The following WDR27 variants were observed in gnomAD, a reference collection of about 807,000 sequenced individuals.
The protein encoded by WDR27 is WD repeat-containing protein 27.
In WDR27, 100 loss-of-function variants were observed where a neutral mutation model predicts 114.4. The observed-to-expected ratio is 0.87, with a 90% CI of 0.74 to 1.03. The LOEUF (loss-of-function observed/expected upper bound fraction) is 1.03. Among genes scored for constraint, WDR27 ranks in the 50% least tolerant of loss-of-function variants. The pLI is 0.00. For synonymous variants in WDR27, 449 were observed against 423.1 expected (o/e 1.06, Z -0.75); for missense variants, 1,129 against 1,092.9 (o/e 1.03, Z -0.47).
chr6:169,492,526 AT>A (rs1482608115), intron 25 of WDR27, among the ~76,000 whole-genome samples: 18 of 152,254 alleles, frequency 1.2e-4, no homozygotes, highest in African/African-American at 4.1e-4. Flanking sequence ...TAAAGTGTTT[AT>A]AATAACTCTT....
intron 23 of WDR27, among the ~76,000 whole-genome samples, chr6:169,599,974 T>C: frequency 6.6e-6 from 1 of 152,176 alleles, no homozygotes; most frequent in Admixed American, 6.5e-5. Context: ...TTTGTTCTCG[T>C]TGGTTTCAAA....
chr6:169,683,808 G>T (rs1782185957), intron 2 of WDR27, among the ~76,000 whole-genome samples: 1 of 152,184 alleles, frequency 6.6e-6, no homozygotes, highest in Non-Finnish European at 1.5e-5. Flanking sequence ...TACAACAGGA[G>T]AATCCCACAG....
chr6:169,528,017 A>C (rs1036546832), intron 25 of WDR27, among the ~76,000 whole-genome samples: 4 of 152,166 alleles, frequency 2.6e-5, no homozygotes, highest in African/African-American at 9.7e-5. Flanking sequence ...GTACCTCACT[A>C]ATCTTTAGAG....
chr6:169,457,973 C>CGGAGAAGGAGGA (rs1554262694), intron 25 of WDR27, among the ~76,000 whole-genome samples: 3 of 111,740 alleles, frequency 2.7e-5, no homozygotes, highest in Non-Finnish European at 5.5e-5. Flanking sequence ...GCACTCCTGA[C>CGGAGAAGGAGGA]GGAGGAGGAG....
chr6:169,603,429 A>G (rs1416421028), intron 22 of WDR27, among the ~76,000 whole-genome samples: 1 of 152,158 alleles, frequency 6.6e-6, no homozygotes, highest in African/African-American at 2.4e-5. Flanking sequence ...AAGAAACACA[A>G]AGAGAAAAAT....
intron 25 of WDR27, among the ~76,000 whole-genome samples, chr6:169,500,303 C>G (rs544347823): frequency 1.6e-4 from 25 of 152,138 alleles, no homozygotes; most frequent in Non-Finnish European, 2.8e-4. Context: ...TAAAATTGAG[C>G]TTGCTATTCC....
intron 25 of WDR27, among the ~76,000 whole-genome samples, chr6:169,566,748 G>C (rs891862093): frequency 9.2e-5 from 14 of 152,122 alleles, no homozygotes; most frequent in Non-Finnish European, 2.1e-4. Flanking sequence ...TTTCTAAAAA[G>C]GATAATCAGA....
downstream of WDR27, among the ~76,000 whole-genome samples, chr6:169,455,574 C>T (rs1351066686): frequency 6.6e-6 from 1 of 152,242 alleles, no homozygotes; most frequent in Non-Finnish European, 1.5e-5. Context: ...CACAGCACCA[C>T]CTACTCCTCC....
At chr6:169,652,835 C>T (rs1206616194) in intron 13 of WDR27, among the ~76,000 whole-genome samples, 2 of 152,176 alleles carry the variant, frequency 1.3e-5, no homozygotes, top group Non-Finnish European at 1.5e-5. Flanking sequence ...ACTCTAAATG[C>T]TATCGTTAGT....
chr6:169,538,302 T>G (rs73792924), intron 25 of WDR27, among the ~76,000 whole-genome samples: 2,460 of 152,182 alleles, frequency 0.016, 62 homozygotes, highest in African/African-American at 0.057. Context: ...CTGCTTAGAG[T>G]AGCATGAAAC....
intron 25 of WDR27, among the ~76,000 whole-genome samples, chr6:169,473,725 T>G (rs1786750390): frequency 6.6e-6 from 1 of 152,192 alleles, no homozygotes; most frequent in Non-Finnish European, 1.5e-5. Flanking sequence ...GAATCACCAG[T>G]ACTTCCTTTC....
chr6:169,536,759 G>A (rs1796246929), intron 25 of WDR27, among the ~76,000 whole-genome samples: 1 of 152,086 alleles, frequency 6.6e-6, no homozygotes, highest in African/African-American at 2.4e-5. Context: ...TCATTAGAGG[G>A]ATACAGCCAC....
At chr6:169,427,809 CAAA>C in the WDR27 span, among the ~76,000 whole-genome samples, 6 of 126,602 alleles carry the variant, frequency 4.7e-5, no homozygotes, top group East Asian at 2.7e-4. Context: ...AAACAACAAC[CAAA>C]AAAAAAAAAA....
intron 23 of WDR27, among the ~76,000 whole-genome samples, chr6:169,594,758 C>G (rs760975333): frequency 4.6e-5 from 7 of 152,236 alleles, no homozygotes; most frequent in Non-Finnish European, 7.3e-5. Context: ...ATACATTTCA[C>G]ATCTCTTCTC....
intron 25 of WDR27, among the ~76,000 whole-genome samples, chr6:169,478,719 T>C (rs981483594): frequency 1.3e-5 from 2 of 152,012 alleles, no homozygotes; most frequent in South Asian, 4.1e-4. Context: ...AACAGACACA[T>C]AGACCAATAC....
intron 23 of WDR27, among the ~76,000 whole-genome samples, chr6:169,597,755 T>C (rs1807091915): frequency 6.6e-6 from 1 of 152,132 alleles, no homozygotes; most frequent in Admixed American, 6.6e-5. Flanking sequence ...ATACTGGTAG[T>C]GTCAGGCATG....
In WDR27 at chr6:169,702,027, G is replaced by C; in HGVS notation, c.-484C>G. On this transcript the variant is annotated 5_prime_UTR_variant, in exon 1 of 26. Coordinates refer to ENST00000448612, the MANE Select transcript of WDR27 (RefSeq NM_182552.5). ...CAGCCGACCCACGCGAGCCGCTATG[G>C]TTACTAGCCCGCCGCCCCTCGCGCC... 1 of 455,864 alleles carries C rather than the reference G, an allele frequency of 2.2e-6. No homozygotes were observed. The highest frequency in any genetic ancestry group is 1.6e-5 in the South Asian group (1 of 62,698). The allele number at this position is 455,864 out of a possible 1,614,324, so 28.2% of individuals were successfully genotyped here.
rs1788299377 is a variant in WDR27, at chr6:169,482,431, A to G, written c.2646-24797T>C. On this transcript the variant is annotated intron_variant, in intron 25 of 25. Coordinates refer to ENST00000448612, the MANE Select transcript of WDR27 (RefSeq NM_182552.5). The stretch of plus-strand genomic sequence containing the variant: ...GCTCCACAACTTCAACAACATCTGT[A>G]TTTTTTGACTTTTAATAATTGCCAT... 2.0e-5 allele frequency among the ~76,000 whole-genome samples: 3 copies of G among 152,090 alleles called. No individual in the cohort carries two copies. The South Asian group carries it at 6.2e-4, about 32-fold the overall frequency.
At chr6:169,452,023 GACA>G in the WDR27 span, among the ~76,000 whole-genome samples, 2 of 152,168 alleles carry the variant, frequency 1.3e-5, no homozygotes, top group Non-Finnish European at 1.5e-5. Flanking sequence ...CATTTATGGA[GACA>G]AGATGGTCAA....
Sources: allele counts gnomAD v4.1 joint callset (sites outside exome capture counted in the v4.1 genomes callset), GRCh38; gene constraint gnomAD v4.1.1; transcripts MANE v1.5; gene names NCBI Gene and HGNC (gene_info 2026-07-23, HGNC 2026-07-21).